BIRC6: variants seen among roughly 807,000 people sequenced by gnomAD.
BIRC6 encodes dual E2 ubiquitin-conjugating enzyme/E3 ubiquitin-protein ligase BIRC6.
A neutral mutation model predicts 503.3 loss-of-function variants in BIRC6; 98 were observed. The observed-to-expected ratio is 0.19, with a 90% CI of 0.17 to 0.23. BIRC6 has a LOEUF of 0.23. BIRC6 is among the 10% of genes least tolerant of loss of function. The probability of loss-of-function intolerance (pLI) is 1.00; values close to 1 mark genes in which losing one functional copy is unlikely to be tolerated. For missense variants in BIRC6, 5,360 were observed against 5,806.0 expected (o/e 0.92, Z 2.50); for synonymous variants, 2,240 against 2,078.7 (o/e 1.08, Z -2.11).
intron 10 of BIRC6, among the ~76,000 whole-genome samples, chr2:32,427,539 G>A (rs923322954): frequency 2.0e-5 from 3 of 152,134 alleles, no homozygotes; most frequent in African/African-American, 4.8e-5. Context: ...GCCCGCCTCC[G>A]TCTCCCAAGG....
intron 70 of BIRC6, chr2:32,602,741 T>C: frequency 2.7e-6 from 1 of 374,840 alleles, no homozygotes. Flanking sequence ...TTAAATAATT[T>C]AGTTTTCATT....
Position 32,615,791 on chromosome 2 carries a change from C to G in BIRC6, c.14395-1934C>G, listed in dbSNP as rs139230100. Among the ~76,000 whole-genome samples, 1,359 of 152,220 alleles carry G rather than the reference C, an allele frequency of 8.9e-3. 9 individuals carry two copies. Among genetic ancestry groups the G allele is most frequent in the Middle Eastern group, 0.024 (7 of 294 alleles). ...CTGGGACTACAGGCACACACCACCA[C>G]ACCCAGCTAATTTTTGTATTTTTTG... On this transcript the variant is annotated intron_variant, in intron 73 of 73. Coordinates refer to ENST00000421745, the MANE Select transcript of BIRC6 (RefSeq NM_016252.4).
chr2:32,358,848 G>A (rs1032229751), intron 1 of BIRC6, among the ~76,000 whole-genome samples: 4 of 152,180 alleles, frequency 2.6e-5, no homozygotes, highest in African/African-American at 9.7e-5. Context: ...CTTGGCTTAG[G>A]TAAATGATGG....
At chr2:32,398,582 A>T (rs1028563179) in intron 6 of BIRC6, among the ~76,000 whole-genome samples, 1 of 152,108 alleles carries the variant, frequency 6.6e-6, no homozygotes, top group South Asian at 2.1e-4. Flanking sequence ...TGTATTTTCT[A>T]TATGTACATT....
chr2:32,551,629 C>T (rs2058431191), intron 65 of BIRC6, among the ~76,000 whole-genome samples: 1 of 152,092 alleles, frequency 6.6e-6, no homozygotes, highest in Non-Finnish European at 1.5e-5. Context: ...CAGAGTCTTC[C>T]TTAGACTTAG....
At chr2:32,557,143 C>T (rs185619909) in intron 65 of BIRC6, 3 of 152,276 alleles carry the variant, frequency 2.0e-5, no homozygotes, top group Admixed American at 2.0e-4. Context: ...CCAAAAGTCA[C>T]GCTAAGGCTC....
intron 23 of BIRC6, among the ~76,000 whole-genome samples, chr2:32,458,137 C>A (rs113917926): frequency 0.034 from 5,125 of 152,092 alleles, 141 homozygotes; most frequent in African/African-American, 0.075. Context: ...TGTATTTGTT[C>A]GAAGTCATCT....
chr2:32,599,253 C>T (rs1471156730), intron 69 of BIRC6, among the ~76,000 whole-genome samples: 1 of 148,026 alleles, frequency 6.8e-6, no homozygotes, highest in African/African-American at 2.5e-5. Flanking sequence ...TTCTTGAACC[C>T]AGGAAGTGGA....
chr2:32,551,410 G>A (rs2058412831), intron 65 of BIRC6, among the ~76,000 whole-genome samples: 1 of 152,116 alleles, frequency 6.6e-6, no homozygotes, highest in Admixed American at 6.5e-5. Context: ...AGCCTCCTGA[G>A]TAGGTGGGAT....
At chr2:32,435,919 ATTC>A (rs879787022) in intron 14 of BIRC6, 131 bp from the exon 15 acceptor site, 23 of 544,370 alleles carry the variant, frequency 4.2e-5, no homozygotes, top group Non-Finnish European at 6.7e-5. Flanking sequence ...TAGCATGACA[ATTC>A]TTATTTTAAC....
intron 9 of BIRC6, among the ~76,000 whole-genome samples, chr2:32,412,932 A>G (rs566470757): frequency 3.9e-5 from 6 of 151,974 alleles, no homozygotes; most frequent in African/African-American, 1.2e-4. Context: ...ATATTTTTTA[A>G]CTCTTTAATC....
intron 65 of BIRC6, among the ~76,000 whole-genome samples, chr2:32,556,053 A>G (rs1559045193): frequency 1.3e-5 from 2 of 152,228 alleles, no homozygotes; most frequent in African/African-American, 4.8e-5. Context: ...ACACTTGCCT[A>G]TGTTTAATGT....
chr2:32,551,235 T>C (rs2058397631), intron 65 of BIRC6, among the ~76,000 whole-genome samples: 1 of 151,272 alleles, frequency 6.6e-6, no homozygotes, highest in African/African-American at 2.4e-5. Flanking sequence ...TATATAAATA[T>C]ATAATTAGTT....
intron 72 of BIRC6, 22 bp from the exon 73 acceptor site, chr2:32,611,426 C>G: frequency 6.3e-7 from 1 of 1,581,388 alleles, no homozygotes; most frequent in Non-Finnish European, 8.6e-7. Context: ...ACTGCTTGTT[C>G]TCCTGTTTAC....
Position 32,448,900 on chromosome 2 carries a change from T to G in BIRC6, c.4590T>G (p.Asp1530Glu). ...VYNSSIGVQS[D>E]EIDLSDVLSG... ...ACAGCAGCATTGGTGTCCAGTCAGA[T>G]GAAATTGATTTATCAGATGTCCTTT... Residue 1530 changes from aspartate to glutamate, a missense_variant, in exon 22 of 74, where the codon GAT becomes GAG. By Grantham distance (45) the Asp-to-Glu change is conservative. Coordinates refer to ENST00000421745, the MANE Select transcript of BIRC6 (RefSeq NM_016252.4). The G allele has an allele frequency of 6.2e-7, 1 of 1,613,198 alleles. No homozygotes were observed. Among genetic ancestry groups the G allele is most frequent in the Non-Finnish European group, 8.5e-7 (1 of 1,179,622 alleles).
chr2:32,402,754 C>G (rs1164572367), intron 8 of BIRC6, among the ~76,000 whole-genome samples: 1 of 152,124 alleles, frequency 6.6e-6, no homozygotes, highest in African/African-American at 2.4e-5. Context: ...TCTGTGATTT[C>G]TTAGAAGTTA....
intron 73 of BIRC6, among the ~76,000 whole-genome samples, chr2:32,614,152 C>G (rs140419967): frequency 2.0e-3 from 308 of 152,256 alleles, no homozygotes; most frequent in Middle Eastern, 3.4e-3. Context: ...TATTATGTAT[C>G]TCATCCTTCA....
intron 68 of BIRC6, among the ~76,000 whole-genome samples, chr2:32,596,468 C>CAA (rs11345309): frequency 2.3e-5 from 2 of 86,582 alleles, no homozygotes; most frequent in African/African-American, 7.7e-5. Flanking sequence ...GTCTCCATCT[C>CAA]AAAAAAAAAA....
In BIRC6 at chr2:32,574,371, G is replaced by A. The variant is rs577890032; in HGVS notation, c.13145-785G>A. ...AGGCTCAAGTGATCCTCCCACCTTGGCCTCCCAAAGGTCTGGGATTATGGG... is the reference window on the plus strand; with the variant it reads ...AGGCTCAAGTGATCCTCCCACCTTGACCTCCCAAAGGTCTGGGATTATGGG... On this transcript the variant is annotated intron_variant, in intron 65 of 73. Coordinates refer to ENST00000421745, the MANE Select transcript of BIRC6 (RefSeq NM_016252.4). Among the ~76,000 whole-genome samples the A allele has an allele frequency of 3.3e-5, 5 of 151,918 alleles. No individual in the cohort carries two copies. In the East Asian group the frequency reaches 9.7e-4, roughly 29 times the overall value.
Sources: allele counts gnomAD v4.1 joint callset (sites outside exome capture counted in the v4.1 genomes callset), GRCh38; gene constraint gnomAD v4.1.1; transcripts MANE v1.5; gene names NCBI Gene and HGNC (gene_info 2026-07-23, HGNC 2026-07-21).